The following TMEM108 variants were observed in gnomAD, a reference collection of about 807,000 sequenced individuals.
TMEM108 encodes the protein cancer/testis antigen 124.
TMEM108 carries 12 observed loss-of-function variants against 35.1 expected under a neutral mutation model. The ratio of observed to expected loss-of-function variants is 0.34; its 90% CI spans 0.22 to 0.55. The LOEUF (loss-of-function observed/expected upper bound fraction) is 0.55. Ranked by LOEUF, TMEM108 falls within the 20% of genes least tolerant of loss-of-function variation. TMEM108 has a pLI of 0.89. For missense variants in TMEM108, 680 were observed against 753.3 expected (o/e 0.90, Z 1.14); for synonymous variants, 287 against 308.6 (o/e 0.93, Z 0.73).
intron 2 of TMEM108, among the ~76,000 whole-genome samples, chr3:133,082,070 G>C (rs1243430614): frequency 1.3e-5 from 2 of 152,168 alleles, no homozygotes; most frequent in Non-Finnish European, 2.9e-5. Flanking sequence ...ATTTTGTCTT[G>C]AAAATAAATC....
chr3:133,391,053 G>A (rs1293535782), intron 5 of TMEM108, among the ~76,000 whole-genome samples: 1 of 152,148 alleles, frequency 6.6e-6, no homozygotes, highest in African/African-American at 2.4e-5. Flanking sequence ...AGTAAAGAAG[G>A]ATAAAGGCCC....
In TMEM108 at chr3:133,187,734, A is replaced by G. The variant is rs897227958; in HGVS notation, c.-46-41532A>G. Among the ~76,000 whole-genome samples, 4 of 152,062 alleles carry G rather than the reference A, an allele frequency of 2.6e-5. 1 individual carries two copies. Among genetic ancestry groups the G allele is most frequent in the Non-Finnish European group, 5.9e-5 (4 of 68,016 alleles). ...CATTGCACTCCAGCCTGGGCATCAC[A>G]TCGAGACTCTGTCAAGGAAGGAAGG... On this transcript the variant is annotated intron_variant, in intron 2 of 5. Transcript: ENST00000321871.
chr3:133,149,299 G>A (rs1944763850), intron 2 of TMEM108, among the ~76,000 whole-genome samples: 1 of 152,162 alleles, frequency 6.6e-6, no homozygotes, highest in African/African-American at 2.4e-5. Flanking sequence ...TGAATACATT[G>A]TGAAGTGATT....
chr3:133,396,068 C>T lies in TMEM108; in HGVS notation c.*82C>T. On this transcript the variant is annotated 3_prime_UTR_variant, in exon 6 of 6. Transcript: ENST00000321871. The stretch of plus-strand genomic sequence containing the variant: ...CAAATACATATATTATAAATATAAC[C>T]TTTGTGTAACCCTGACTTAATGAGA... 1 of 1,028,692 alleles carries T rather than the reference C, an allele frequency of 9.7e-7. No homozygotes were observed. Among genetic ancestry groups the T allele is most frequent in the Non-Finnish European group, 1.2e-6 (1 of 809,852 alleles). 63.7% of individuals were successfully genotyped at this position (1,028,692 alleles called of 1,614,324 possible).
chr3:133,307,354 G>A (rs567312250), intron 3 of TMEM108, among the ~76,000 whole-genome samples: 14 of 152,014 alleles, frequency 9.2e-5, no homozygotes, highest in Non-Finnish European at 1.9e-4. Context: ...TTTCTTTGCC[G>A]TGCAGAAGCT....
At chr3:133,112,332 C>T (rs1944235919) in intron 2 of TMEM108, among the ~76,000 whole-genome samples, 1 of 152,064 alleles carries the variant, frequency 6.6e-6, no homozygotes, top group African/African-American at 2.4e-5. Context: ...TATCTTCTTC[C>T]TAGTTAGATG....
At chr3:133,133,112 G>A (rs1325484942) in intron 2 of TMEM108, among the ~76,000 whole-genome samples, 3 of 152,074 alleles carry the variant, frequency 2.0e-5, no homozygotes, top group Non-Finnish European at 4.4e-5. Context: ...GAACATTATT[G>A]AAATGACAAC....
chr3:133,175,032 C>T (rs181718784), intron 2 of TMEM108, among the ~76,000 whole-genome samples: 47 of 152,230 alleles, frequency 3.1e-4, no homozygotes, highest in African/African-American at 1.1e-3. Context: ...GACGAATGCA[C>T]AAGCCTCAGT....
At chr3:133,120,235 A>G (rs185538211) in intron 2 of TMEM108, among the ~76,000 whole-genome samples, 55 of 152,300 alleles carry the variant, frequency 3.6e-4, no homozygotes, top group African/African-American at 1.2e-3. Flanking sequence ...GACACCTTTT[A>G]ATATCAAGCA....
chr3:133,125,137 A>G (rs560649804), intron 2 of TMEM108: 2 of 152,346 alleles, frequency 1.3e-5, no homozygotes, highest in South Asian at 4.1e-4. Flanking sequence ...GGGAAGAGAT[A>G]CTTAATTTGA....
intron 2 of TMEM108, among the ~76,000 whole-genome samples, chr3:133,080,464 A>G (rs375987226): frequency 7.9e-5 from 12 of 152,338 alleles, no homozygotes; most frequent in Middle Eastern, 3.4e-3. Flanking sequence ...GGTCTTGACA[A>G]TAACTTCAAG....
At chr3:133,297,857 AAAGG>A (rs1947168233) in intron 3 of TMEM108, among the ~76,000 whole-genome samples, 1 of 152,206 alleles carries the variant, frequency 6.6e-6, no homozygotes, top group Admixed American at 6.5e-5. Context: ...GAGAATGAGG[AAAGG>A]AAGGAATGTT....
intron 3 of TMEM108, among the ~76,000 whole-genome samples, chr3:133,279,621 C>T (rs1946884993): frequency 6.6e-6 from 1 of 152,184 alleles, no homozygotes; most frequent in Non-Finnish European, 1.5e-5. Context: ...TCTTCATTCC[C>T]AGCAGCCATG....
intron 2 of TMEM108, among the ~76,000 whole-genome samples, chr3:133,143,088 A>G (rs1382075065): frequency 6.6e-6 from 1 of 152,212 alleles, no homozygotes; most frequent in Admixed American, 6.5e-5. Context: ...CTACATAGAA[A>G]AAAGAAACAA....
intron 2 of TMEM108, among the ~76,000 whole-genome samples, chr3:133,066,993 T>G (rs1348505949): frequency 1.3e-5 from 2 of 152,216 alleles, no homozygotes; most frequent in Admixed American, 1.3e-4. Context: ...GTACCTATAG[T>G]TCATTCATTT....
intron 2 of TMEM108, among the ~76,000 whole-genome samples, chr3:133,158,649 T>C (rs958068059): frequency 1.3e-5 from 2 of 152,176 alleles, no homozygotes; most frequent in Non-Finnish European, 2.9e-5. Context: ...GATTGAACTT[T>C]GGCATGCAGT....
chr3:133,294,158 A>T (rs533947326), intron 3 of TMEM108, among the ~76,000 whole-genome samples: 1 of 152,210 alleles, frequency 6.6e-6, no homozygotes, highest in Admixed American at 6.5e-5. Flanking sequence ...TCATCCTTAT[A>T]AAAAATGCAC....
chr3:133,221,932 T>C (rs960800552), intron 2 of TMEM108, among the ~76,000 whole-genome samples: 30 of 152,182 alleles, frequency 2.0e-4, no homozygotes, highest in African/African-American at 7.2e-4. Context: ...TTAACCTCCA[T>C]ACTAAAGATA....
Position 133,112,617 on chromosome 3 carries a change from T to TGATTGG in TMEM108, c.-47+66598_-47+66603dup, listed in dbSNP as rs575636650. Among the ~76,000 whole-genome samples, 36 of 152,324 alleles carry TGATTGG rather than the reference T, an allele frequency of 2.4e-4. 1 individual carries two copies. In the South Asian group the frequency reaches 7.5e-3, roughly 32 times the overall value. ...TTCCCTCAACCCTATTCACACATGG[T>TGATTGG]GATTGGTCAGACAATATTAATGTAC... On this transcript the variant is annotated intron_variant, in intron 2 of 5. Coordinates refer to ENST00000321871, the MANE Select transcript of TMEM108 (RefSeq NM_023943.4).
Sources: allele counts gnomAD v4.1 joint callset (sites outside exome capture counted in the v4.1 genomes callset), GRCh38; gene constraint gnomAD v4.1.1; transcripts MANE v1.5; gene names NCBI Gene and HGNC (gene_info 2026-07-23, HGNC 2026-07-21).